Variants in XPC observed in about 807,000 individuals in gnomAD.
The protein encoded by XPC is XPC complex subunit, DNA damage recognition and repair factor, also known as DNA repair protein complementing XP-C cells.
A neutral mutation model predicts 95.8 loss-of-function variants in XPC; 76 were observed. That is an observed-to-expected ratio of 0.79 (90% confidence interval 0.66 to 0.96). XPC has a LOEUF of 0.96. Ranked by LOEUF, XPC falls within the 40% of genes least tolerant of loss-of-function variation. XPC has a pLI of 0.00. For missense variants in XPC, 1,146 were observed against 1,179.8 expected (o/e 0.97, Z 0.42); for synonymous variants, 442 against 442.1 (o/e 1.00, Z 0.00).
intron 15 of XPC, among the ~76,000 whole-genome samples, chr3:14,146,373 C>A (rs377408248): frequency 2.6e-5 from 4 of 152,088 alleles, no homozygotes; most frequent in African/African-American, 7.2e-5. Context: ...GCACCTGCTA[C>A]GAGCTGAGTG....
intron 8 of XPC, 118 bp from the exon 9 acceptor site, chr3:14,159,010 T>C (rs1051196664): frequency 2.3e-6 from 3 of 1,310,388 alleles, no homozygotes; most frequent in South Asian, 2.6e-5. Flanking sequence ...TACATCAAGA[T>C]GTCCCCAGCT....
rs771755424 is a variant in XPC at position 14,170,504 on chromosome 3, C to T, written c.346G>A (p.Ala116Thr). The T allele has an allele frequency of 1.9e-6, 3 of 1,613,754 alleles. No individual in the cohort carries two copies. Among genetic ancestry groups the T allele is most frequent in the East Asian group, 2.2e-5 (1 of 44,866 alleles). The part of the protein sequence containing the change: ...LKKAHHLKRG[A>T]TMNEDSNEEE... The stretch of plus-strand genomic sequence containing the variant: ...TCATTGCTGTCTTCATTCATGGTAG[C>T]CCCTCTCTTCAGATGGTGTGCCTTC... Residue 116 changes from alanine (A) to threonine (T), a missense_variant, in exon 3 of 16, where the codon GCT becomes ACT. Transcript: ENST00000285021.
intron 10 of XPC, among the ~76,000 whole-genome samples, chr3:14,155,561 C>T (rs1347485551): frequency 6.6e-6 from 1 of 151,800 alleles, no homozygotes; most frequent in Non-Finnish European, 1.5e-5. Context: ...CCATTTTAAC[C>T]ATTTTTTTGT....
At chr3:14,152,877 T>C (rs3731144) in intron 10 of XPC, 4,030 of 154,828 alleles carry the variant, frequency 0.026, 99 homozygotes, top group Non-Finnish European at 0.034. Flanking sequence ...AAAGGAAGGC[T>C]GCAGAGAAGC....
intron 5 of XPC, 78 bp from the exon 6 acceptor site, chr3:14,165,663 G>C: frequency 6.5e-7 from 1 of 1,536,442 alleles, no homozygotes; most frequent in Non-Finnish European, 8.9e-7. Flanking sequence ...CCAAAGTCAA[G>C]ACATGCTGTG....
At position 14,165,416 on chromosome 3, in the gene XPC, G is replaced by A. The variant is rs754591857; in HGVS notation, c.779+12C>T. ...CACTCCCCAGCTCTGCAGGACAAGC[G>A]GAGGGCCTTACCACTTCACCAGGTT... On this transcript the variant is annotated intron_variant, in intron 6 of 15. Coordinates refer to ENST00000285021, the MANE Select transcript of XPC (RefSeq NM_004628.5). 9 of 1,578,988 alleles carry A rather than the reference G, an allele frequency of 5.7e-6. No homozygotes were observed. Among genetic ancestry groups the A allele is most frequent in the African/African-American group, 2.7e-5 (2 of 74,202 alleles).
At chr3:14,147,463 A>G in intron 14 of XPC, 84 bp from the exon 15 acceptor site, 1 of 1,312,232 alleles carries the variant, frequency 7.6e-7, no homozygotes. Flanking sequence ...GTGAATGTAA[A>G]GACAGATATA....
chr3:14,167,109 T>C (rs1471101303), intron 5 of XPC, 60 bp downstream of exon 5: 71 of 1,435,286 alleles, frequency 4.9e-5, no homozygotes, highest in Non-Finnish European at 5.6e-6. Context: ...AAAGCCTCGG[T>C]GAGCACAAGC....
intron 3 of XPC, among the ~76,000 whole-genome samples, chr3:14,168,694 T>C (rs184803895): frequency 6.6e-6 from 1 of 152,144 alleles, no homozygotes; most frequent in Admixed American, 6.5e-5. Flanking sequence ...CTCATGCATG[T>C]ATGTATATAC....
At position 14,160,554 on chromosome 3, in the gene XPC, T is replaced by C. The variant is rs73142657; in HGVS notation, c.901-724A>G. ...GCCATTGTTATGGTGAGAAAAATGA[T>C]TGCTTTTGCCTTGTTTCTTCTGCGG... On this transcript the variant is annotated intron_variant, in intron 7 of 15. Transcript: ENST00000285021. 6.0e-3 allele frequency among the ~76,000 whole-genome samples: 914 copies of C among 152,326 alleles called. 9 individuals are homozygous for C. Among genetic ancestry groups the C allele is most frequent in the African/African-American group, 0.021 (859 of 41,566 alleles).
At chr3:14,165,162 T>A (rs1696324835) in intron 6 of XPC, among the ~76,000 whole-genome samples, 1 of 152,160 alleles carries the variant, frequency 6.6e-6, no homozygotes, top group Admixed American at 6.5e-5. Context: ...CCCTGCTATG[T>A]GAGCCTGCAG....
In XPC at chr3:14,158,867, A is replaced by G. The variant is rs374298283; in HGVS notation, c.1016T>C (p.Leu339Ser). 3.1e-6 allele frequency: 5 copies of G among 1,613,808 alleles called. No homozygotes were observed. The African/African-American group carries it at 6.7e-5, about 22-fold the overall frequency. Residue 339 changes from leucine to serine, a missense_variant, in exon 9 of 16, where the codon TTG becomes TCG. Physicochemically the swap from Leu to Ser is moderately radical, Grantham distance 145. Transcript: ENST00000285021. This position sits in a 1 kb window ranked among gnomAD's most constrained non-coding sequence, Gnocchi z 5.2. The part of the protein sequence containing the change: ...AKGKKPSKER[L>S]TADPGGSSET... ...TGAGGAGCCTCCTGGATCCGCAGTC[A>G]ATCTTTCCTTGGAAGGTTTCTTTCC... is the stretch of plus-strand genomic sequence containing the variant.
intron 11 of XPC, among the ~76,000 whole-genome samples, chr3:14,150,233 G>A (rs928159843): frequency 3.3e-5 from 5 of 152,256 alleles, no homozygotes; most frequent in African/African-American, 1.2e-4. Flanking sequence ...AGAGGAGTCA[G>A]GCATGGGCGT....
chr3:14,159,011 G>T, intron 8 of XPC, 119 bp from the exon 9 acceptor site: 1 of 1,307,868 alleles, frequency 7.6e-7, no homozygotes, highest in South Asian at 1.3e-5. Context: ...ACATCAAGAT[G>T]TCCCCAGCTC....
chr3:14,147,175 A>T, intron 15 of XPC, 115 bp downstream of exon 15: 1 of 1,118,058 alleles, frequency 8.9e-7, no homozygotes, highest in Non-Finnish European at 1.3e-6. Flanking sequence ...AGGTGTCCTA[A>T]CACAAAGCTA....
chr3:14,160,761 T>C (rs2125029601), intron 7 of XPC, among the ~76,000 whole-genome samples: 1 of 152,348 alleles, frequency 6.6e-6, no homozygotes, highest in South Asian at 2.1e-4. Context: ...CTGATGGCAT[T>C]GTACCAGTAT....
In XPC at chr3:14,148,640, C is replaced by T. The variant is rs577415509; in HGVS notation, c.2342G>A (p.Arg781His). 2.6e-5 allele frequency: 42 copies of T among 1,614,022 alleles called. No homozygotes were observed. The highest frequency in any genetic ancestry group is 1.6e-4 in the Middle Eastern group (1 of 6,062). The change falls in exon 13 of 16, where the codon CGC becomes CAC. Residue 781 changes from arginine (R) to histidine (H), a missense_variant. Transcript: ENST00000285021. ...GTCGATGTCCAGCTTGCGGGCCACG[C>T]GGTGTAGATTGGGCAGGTTCAGCTG... ...CVQLNLPNLHRVARKLDIDCV... is the reference protein window; with the variant it reads ...CVQLNLPNLHHVARKLDIDCV...
In XPC at chr3:14,146,124, A is replaced by G. The variant is rs1020130644; in HGVS notation, c.2640T>C (p.Gly880=). ...EAAAPHTDAG[G]GLSSDEEEGT... is the part of the protein sequence containing the mutation. ...CCTCCTCTTCATCAGAAGAGAGTCC[A>G]CCTCCTGCATCTGTGTGGGGAGCTG... Residue 880 remains glycine (G), a synonymous_variant, in exon 16 of 16, where the codon GGT becomes GGC. Transcript: ENST00000285021. The G allele has an allele frequency of 1.2e-6, 2 of 1,609,208 alleles. No individual in the cohort carries two copies. The highest frequency in any genetic ancestry group is 1.7e-6 in the Non-Finnish European group (2 of 1,178,618).
intron 6 of XPC, 128 bp downstream of exon 6, chr3:14,165,300 G>A: frequency 7.9e-7 from 1 of 1,270,256 alleles, no homozygotes; most frequent in South Asian, 1.6e-5. Context: ...TATCTTCAAT[G>A]CCATGCCCAC....
Sources: allele counts gnomAD v4.1 joint callset (sites outside exome capture counted in the v4.1 genomes callset), GRCh38; gene constraint gnomAD v4.1.1; non-coding constraint Gnocchi (gnomAD v3.1); transcripts MANE v1.5; gene names NCBI Gene and HGNC (gene_info 2026-07-23, HGNC 2026-07-21).